The following COQ4 variants were observed in gnomAD, a reference collection of about 807,000 sequenced individuals.
The protein encoded by COQ4 is coenzyme Q4.
A neutral mutation model predicts 30.2 loss-of-function variants in COQ4; 36 were observed. The observed-to-expected ratio is 1.19, with a 90% CI of 0.91 to 1.57. The LOEUF (loss-of-function observed/expected upper bound fraction) is 1.57, where lower values mean the gene tolerates loss of function less well. Ranked by LOEUF, COQ4 falls within the 40% of genes most tolerant of loss-of-function variation. The probability of loss-of-function intolerance (pLI) is 0.00; values close to 1 mark genes in which losing one functional copy is unlikely to be tolerated. For missense variants in COQ4, 369 were observed against 371.9 expected, an observed-to-expected ratio of 0.99 and a Z score of 0.07; for synonymous variants, 197 against 161.0, an observed-to-expected ratio of 1.22 and a Z score of -1.69.
At chr9:128,333,177 G>C (rs1370032431) in intron 6 of COQ4, among the ~76,000 whole-genome samples, 1 of 152,148 alleles carries the variant, frequency 6.6e-6, no homozygotes, top group Non-Finnish European at 1.5e-5. Flanking sequence ...GGGTCTCTTG[G>C]GCCAGGCCTA....
chr9:128,323,246 C>T, intron 2 of COQ4, 99 bp downstream of exon 2: 1 of 1,178,678 alleles, frequency 8.5e-7, no homozygotes, highest in Non-Finnish European at 1.1e-6. Context: ...AACCTGGTTG[C>T]AGCTCGTAAC....
chr9:128,325,749 C>T (rs758803466), intron 3 of COQ4, 30 bp from the exon 4 acceptor site: 56 of 1,577,766 alleles, frequency 3.5e-5, no homozygotes, highest in Middle Eastern at 1.7e-4. Context: ...TTTGCCCACA[C>T]CCTCCCAATG....
intron 4 of COQ4, among the ~76,000 whole-genome samples, chr9:128,329,137 T>G (rs577541984): frequency 6.6e-6 from 1 of 152,266 alleles, no homozygotes; most frequent in African/African-American, 2.4e-5. Flanking sequence ...GAATCCTGGC[T>G]CTCTTCCCAG....
chr9:128,332,501 G>A lies in COQ4; in HGVS notation c.532+219G>A, dbSNP rs574956270. The A allele has an allele frequency of 6.1e-5, 37 of 604,336 alleles. No individual in the cohort carries two copies. The South Asian group carries it at 6.8e-4, about 11-fold the overall frequency. The allele number at this position is 604,336 out of a possible 1,614,324, so 37.4% of individuals were successfully genotyped here. ...TGGAGCAGCAGAGCCCATCTTCAAG[G>A]CTCCTGGTGTCTTTTTAGGCTTTAG... On this transcript the variant is annotated intron_variant, in intron 5 of 6. Transcript: ENST00000300452.
intron 4 of COQ4, 180 bp from the exon 5 acceptor site, chr9:128,331,973 C>T (rs951225839): frequency 1.8e-5 from 11 of 609,512 alleles, no homozygotes; most frequent in Non-Finnish European, 3.1e-5. Flanking sequence ...AGGTGATCCG[C>T]CCACCTTAGC....
chr9:128,324,837 G>T (rs1368797872), intron 2 of COQ4, among the ~76,000 whole-genome samples: 1 of 152,206 alleles, frequency 6.6e-6, no homozygotes, highest in Non-Finnish European at 1.5e-5. Context: ...CAGCATCTCT[G>T]ATGCCTAAGC....
At chr9:128,332,416 A>G in intron 5 of COQ4, 134 bp downstream of exon 5, 1 of 948,866 alleles carries the variant, frequency 1.1e-6, no homozygotes, top group Admixed American at 2.3e-5. Flanking sequence ...ACATCTTAGT[A>G]GCATCTTTGC....
intron 4 of COQ4, chr9:128,331,716 T>C (rs1008451572): frequency 4.5e-5 from 7 of 154,046 alleles, no homozygotes; most frequent in African/African-American, 1.7e-4. Context: ...GACTAATTTT[T>C]GTATTTTTTT....
At chr9:128,326,339 G>T (rs1357675913) in intron 4 of COQ4, 1 of 176,472 alleles carries the variant, frequency 5.7e-6, no homozygotes, top group Non-Finnish European at 1.2e-5. Context: ...CGGTATGGCA[G>T]GTGTGGCACT....
rs145544505 is a variant in COQ4, at chr9:128,333,480, G to C, written c.633G>C (p.Leu211=). Residue 211 remains leucine, a synonymous_variant, in exon 7 of 7, where the codon CTG becomes CTC. Coordinates refer to ENST00000300452, the MANE Select transcript of COQ4 (RefSeq NM_016035.5). ...TTCCTCTGCTGCCCCACAGGAGCCT[G>C]CAAGTGCTGGTCTCGGAGTTGATCC... ...FGPIRLGAQS[L]QVLVSELIPW... 25 of 1,531,836 alleles carry C rather than the reference G, an allele frequency of 1.6e-5. No homozygotes were observed. The highest frequency in any genetic ancestry group is 2.1e-5 in the Non-Finnish European group (24 of 1,140,810). The allele number at this position is 1,531,836 out of a possible 1,614,324, so 94.9% of individuals were successfully genotyped here. A position where few individuals can be genotyped will look rare whatever the true frequency, so the allele number is the denominator to read the frequency against.
Position 128,325,890 on chromosome 9 carries a change from T to C in COQ4, c.402+9T>C. ...GTTTCCTGGATGTGAACGTGAGTTT[T>C]CAGCTCCTGTGTATCTGGCAGTCAC... On this transcript the variant is annotated intron_variant, in intron 4 of 6. Transcript: ENST00000300452. 1 of 1,611,204 alleles carries C rather than the reference T, an allele frequency of 6.2e-7. No homozygotes were observed. Among genetic ancestry groups the C allele is most frequent in the Non-Finnish European group, 8.5e-7 (1 of 1,177,376 alleles).
In COQ4 at chr9:128,333,599, A is replaced by T. The variant is rs764026213; in HGVS notation, c.752A>T (p.Glu251Val). ...WEQSLRALRE[E>V]LGITAPPMHV... ...CAGTCCCTGAGGGCTCTGCGGGAGGAGCTGGGCATTACAGCACCACCCATG... is the reference window on the plus strand; with the variant it reads ...CAGTCCCTGAGGGCTCTGCGGGAGGTGCTGGGCATTACAGCACCACCCATG... Residue 251 changes from glutamate (E) to valine (V), a missense_variant, in exon 7 of 7, where the codon GAG becomes GTG. Coordinates refer to ENST00000300452, the MANE Select transcript of COQ4 (RefSeq NM_016035.5). 3.5e-5 allele frequency: 56 copies of T among 1,604,922 alleles called. No homozygotes were observed. The highest frequency in any genetic ancestry group is 4.6e-5 in the Non-Finnish European group (54 of 1,176,682).
chr9:128,333,640 G>T lies in COQ4; in HGVS notation c.793G>T (p.Ala265Ser). ...ACCACCCATGCACGTCCAGGGCTTG[G>T]CCTGAGCTCCTGAGCCAGCGGGGCC... ...TAPPMHVQGL[A>S] is the part of the protein sequence containing the mutation. Residue 265 changes from alanine to serine, a missense_variant, in exon 7 of 7, where the codon GCC (alanine) becomes TCC (serine). Transcript: ENST00000300452. The T allele has an allele frequency of 6.4e-7, 1 of 1,550,612 alleles. No individual in the cohort carries two copies.
At position 128,325,151 on chromosome 9, in the gene COQ4, G is replaced by T; in HGVS notation, c.211G>T (p.Ala71Ser). ...CGTTTCTGTCCTTTCAGACATGGTC[G>T]CAGTTCTAGGGGAGACCACAGGACA... ...LYNPYRHDMV[A>S]VLGETTGHRT... Residue 71 changes from alanine to serine, a missense_variant, in exon 3 of 7, where the codon GCA (alanine) becomes TCA (serine). Physicochemically the swap from Ala to Ser is moderately conservative, Grantham distance 99. Coordinates refer to ENST00000300452, the MANE Select transcript of COQ4 (RefSeq NM_016035.5). The T allele has an allele frequency of 6.2e-7, 1 of 1,612,526 alleles. No individual in the cohort carries two copies. Among genetic ancestry groups the T allele is most frequent in the Non-Finnish European group, 8.5e-7 (1 of 1,179,090 alleles).
chr9:128,323,708 A>C, intron 2 of COQ4: 1 of 185,464 alleles, frequency 5.4e-6, no homozygotes. Context: ...TATAATCCCT[A>C]TCGGGGGGCC....
chr9:128,332,318 G>T, intron 5 of COQ4, 36 bp downstream of exon 5: 1 of 1,607,590 alleles, frequency 6.2e-7, no homozygotes. Context: ...TGTCTCCCTG[G>T]GGTGGCTTCA....
At chr9:128,333,447 TTTTC>T in intron 6 of COQ4, 23 bp from the exon 7 acceptor site, 1 of 1,485,768 alleles carries the variant, frequency 6.7e-7, no homozygotes, top group Non-Finnish European at 8.9e-7. Flanking sequence ...GGACTTGATG[TTTTC>T]TTTTTCCTCT....
intron 2 of COQ4, among the ~76,000 whole-genome samples, chr9:128,323,888 T>A (rs1187997708): frequency 6.6e-6 from 1 of 152,224 alleles, no homozygotes; most frequent in Non-Finnish European, 1.5e-5. Context: ...GAGACTGCAG[T>A]AAGTTGTGAT....
intron 4 of COQ4, among the ~76,000 whole-genome samples, chr9:128,329,178 C>T (rs950929025): frequency 1.3e-5 from 2 of 152,054 alleles, no homozygotes; most frequent in Non-Finnish European, 2.9e-5. Flanking sequence ...CCTTTGACCT[C>T]GCTGAGTCTC....
Sources: gnomAD v4.1 joint callset for allele counts (sites outside exome capture counted in the v4.1 genomes callset) on GRCh38, gnomAD v4.1.1 for gene constraint, MANE v1.5 for transcripts, NCBI Gene and HGNC (gene_info 2026-07-23, HGNC 2026-07-21) for gene names.